ROCK2: variants seen among roughly 807,000 people sequenced by gnomAD.
ROCK2 encodes rho-associated protein kinase 2.
Under a neutral mutation model 195.1 loss-of-function variants are expected in ROCK2, and 61 were observed. The ratio of observed to expected loss-of-function variants is 0.31; its 90% confidence interval spans 0.25 to 0.39. ROCK2 has a LOEUF of 0.39. ROCK2 is among the 10% of genes least tolerant of loss of function. ROCK2 has a pLI of 1.00. For missense variants in ROCK2, 1,109 were observed against 1,637.4 expected, an observed-to-expected ratio of 0.68 and a Z score of 5.57; for synonymous variants, 504 against 545.5, an observed-to-expected ratio of 0.92 and a Z score of 1.06.
chr2:11,239,845 G>A (rs1407545695), intron 4 of ROCK2, among the ~76,000 whole-genome samples: 1 of 152,114 alleles, frequency 6.6e-6, no homozygotes, highest in Non-Finnish European at 1.5e-5. Context: ...GGACTTACTG[G>A]CTACAAATTC....
chr2:11,268,297 G>C (rs1250508098), intron 3 of ROCK2, among the ~76,000 whole-genome samples: 1 of 152,140 alleles, frequency 6.6e-6, no homozygotes, highest in Non-Finnish European at 1.5e-5. Flanking sequence ...TTATAGGTGA[G>C]ACCCCACACC....
intron 4 of ROCK2, among the ~76,000 whole-genome samples, chr2:11,248,758 A>T: frequency 6.6e-6 from 1 of 150,612 alleles, no homozygotes; most frequent in African/African-American, 2.4e-5. Context: ...AAGGCAAAGC[A>T]GAACCATAAA....
At chr2:11,262,654 C>T (rs951765410) in intron 3 of ROCK2, among the ~76,000 whole-genome samples, 11 of 152,148 alleles carry the variant, frequency 7.2e-5, no homozygotes, top group East Asian at 1.9e-4. Context: ...TGACTTGCTG[C>T]TCCTTGCCTT....
At chr2:11,193,897 A>G in intron 29 of ROCK2, 40 bp from the exon 30 acceptor site, 1 of 1,123,184 alleles carries the variant, frequency 8.9e-7, no homozygotes, top group Non-Finnish European at 1.3e-6. Flanking sequence ...ATATCACCCA[A>G]GGATCAAATT....
Position 11,337,846 on chromosome 2 carries a change from T to C in ROCK2, c.141+6150A>G, listed in dbSNP as rs1335297765. ...TTAGTAGAGATGGGGTTTCACCATG[T>C]TGATCAGGCTGGTCTCGAACTCCTG... On this transcript the variant is annotated intron_variant, in intron 1 of 32. Transcript: ENST00000315872. 2.0e-5 allele frequency among the ~76,000 whole-genome samples: 3 copies of C among 151,990 alleles called. No homozygotes were observed. The East Asian group carries it at 5.8e-4, about 30-fold the overall frequency.
Position 11,201,288 on chromosome 2 carries a change from G to T in ROCK2, c.2723+22C>A, listed in dbSNP as rs576909476. 1.3e-6 allele frequency: 2 copies of T among 1,561,192 alleles called. No homozygotes were observed. Among genetic ancestry groups the T allele is most frequent in the African/African-American group, 2.7e-5 (2 of 74,028 alleles). On this transcript the variant is annotated intron_variant, in intron 22 of 32. Transcript: ENST00000315872. This position sits in a 1 kb window ranked among gnomAD's most constrained non-coding sequence, Gnocchi z 4.6. The stretch of plus-strand genomic sequence containing the variant: ...CAAAGTATACAGCTATGAACAAAAA[G>T]AGACAAGGGTCTCATACTTACCGTT...
At chr2:11,285,958 A>T (rs1233555786) in intron 3 of ROCK2, among the ~76,000 whole-genome samples, 1 of 152,048 alleles carries the variant, frequency 6.6e-6, no homozygotes, top group Non-Finnish European at 1.5e-5. Flanking sequence ...TGCTCCATCA[A>T]GAGGGGTAAA....
intron 1 of ROCK2, among the ~76,000 whole-genome samples, chr2:11,298,814 G>A (rs1667616894): frequency 6.6e-6 from 1 of 152,192 alleles, no homozygotes; most frequent in Non-Finnish European, 1.5e-5. Context: ...TGAGTGAGAA[G>A]AGGAGAGCTG....
chr2:11,188,748 C>G lies in ROCK2; in HGVS notation c.4163+3400G>C, dbSNP rs376538035. On this transcript the variant is annotated intron_variant, in intron 32 of 32. Coordinates refer to ENST00000315872, the MANE Select transcript of ROCK2 (RefSeq NM_004850.5). Reference sequence around the variant, plus strand: ...ACGCCATTCTCCTGCCTCAGCCTCCCGAGTAGCTGGGACTACAAGTGCCTG... The same window carrying G: ...ACGCCATTCTCCTGCCTCAGCCTCCGGAGTAGCTGGGACTACAAGTGCCTG... Among the ~76,000 whole-genome samples the G allele has an allele frequency of 9.2e-5, 14 of 151,754 alleles. No individual in the cohort carries two copies. The East Asian group carries it at 2.4e-3, about 26-fold the overall frequency.
At chr2:11,285,599 G>T (rs1186748601) in intron 3 of ROCK2, among the ~76,000 whole-genome samples, 1 of 152,126 alleles carries the variant, frequency 6.6e-6, no homozygotes, top group African/African-American at 2.4e-5. Context: ...AGGCCGAGCA[G>T]GTAGATCCCT....
rs567696977 is a variant in ROCK2 at position 11,180,095 on chromosome 2, G to A, written c.*3342C>T. The stretch of plus-strand genomic sequence containing the variant: ...ATAGGGAAGCTGAAGCCTTATTCCA[G>A]GGAAGGAGAGGTGAGTCAGTAGCAG... On this transcript the variant is annotated 3_prime_UTR_variant, in exon 33 of 33. Coordinates refer to ENST00000315872, the MANE Select transcript of ROCK2 (RefSeq NM_004850.5). 2 of 152,288 alleles carry A rather than the reference G, an allele frequency of 1.3e-5. No homozygotes were observed. The highest frequency in any genetic ancestry group is 3.9e-4 in the East Asian group (2 of 5,186). The allele number at this position is 152,288 out of a possible 1,614,324, so 9.4% of individuals were successfully genotyped here.
intron 6 of ROCK2, among the ~76,000 whole-genome samples, chr2:11,225,947 A>T (rs1664797129): frequency 6.6e-6 from 1 of 152,194 alleles, no homozygotes; most frequent in Admixed American, 6.5e-5. Flanking sequence ...ATGCCACAAA[A>T]AAGTTCAAGA....
In ROCK2 at chr2:11,263,980, GAA is replaced by G. The variant is rs56736410; in HGVS notation, c.325-14184_325-14183del. On this transcript the variant is annotated intron_variant, in intron 3 of 32. Transcript: ENST00000315872. ...AGGTGGGGAAATAAAGAAAAAAGAT[GAA>G]AAAAAAAAAAACATGTATGCTAAAA... is the stretch of plus-strand genomic sequence containing the variant. Among the ~76,000 whole-genome samples the G allele has an allele frequency of 2.9e-3, 408 of 139,604 alleles. 2 individuals are homozygous for G. Among genetic ancestry groups the G allele is most frequent in the South Asian group, 8.8e-3 (40 of 4,532 alleles). 91.6% of individuals were successfully genotyped at this position (139,604 alleles called of 152,430 possible). A position where few individuals can be genotyped will look rare whatever the true frequency, so the allele number is the denominator to read the frequency against.
intron 3 of ROCK2, among the ~76,000 whole-genome samples, chr2:11,251,595 C>A (rs1395098528): frequency 6.6e-6 from 1 of 152,130 alleles, no homozygotes; most frequent in Non-Finnish European, 1.5e-5. Flanking sequence ...ATTCAGGACA[C>A]AAGCATGGGC....
At chr2:11,328,081 T>C (rs1668601905) in intron 1 of ROCK2, among the ~76,000 whole-genome samples, 1 of 152,110 alleles carries the variant, frequency 6.6e-6, no homozygotes, top group Non-Finnish European at 1.5e-5. Flanking sequence ...TCTCTTCCCT[T>C]CCACATCTCT....
intron 3 of ROCK2, among the ~76,000 whole-genome samples, chr2:11,273,403 C>CA (rs148834357): frequency 0.024 from 3,539 of 149,786 alleles, 61 homozygotes; most frequent in East Asian, 0.053. Flanking sequence ...TTACAGGAAA[C>CA]AAAAAAAAAC....
chr2:11,299,815 C>G (rs905514167), intron 1 of ROCK2, among the ~76,000 whole-genome samples: 8 of 152,160 alleles, frequency 5.3e-5, no homozygotes, highest in African/African-American at 1.7e-4. Flanking sequence ...TCAACAGAAA[C>G]CAGAGAAGCA....
At chr2:11,223,071 C>G (rs1208349638) in intron 7 of ROCK2, among the ~76,000 whole-genome samples, 1 of 152,082 alleles carries the variant, frequency 6.6e-6, no homozygotes, top group African/African-American at 2.4e-5. Flanking sequence ...AGGCTGTGTT[C>G]TTCTTCCACC....
intron 12 of ROCK2, among the ~76,000 whole-genome samples, chr2:11,216,514 CTTT>C (rs78853931): frequency 0.046 from 6,448 of 139,328 alleles, 184 homozygotes; most frequent in Middle Eastern, 0.1. Context: ...TTTCTTTTTT[CTTT>C]TTTTTTTTTT....
Sources: allele counts gnomAD v4.1 joint callset (sites outside exome capture counted in the v4.1 genomes callset), GRCh38; gene constraint gnomAD v4.1.1; non-coding constraint Gnocchi (gnomAD v3.1); transcripts MANE v1.5; gene names NCBI Gene and HGNC (gene_info 2026-07-23, HGNC 2026-07-21).